The following TJP1 variants were observed in gnomAD, a reference collection of about 807,000 sequenced individuals.
TJP1 encodes the protein tight junction protein ZO-1.
A neutral mutation model predicts 194.2 loss-of-function variants in TJP1; 43 were observed. The observed-to-expected ratio is 0.22, with a 90% CI of 0.17 to 0.29. The LOEUF is 0.29. Ranked by LOEUF, TJP1 falls within the 10% of genes least tolerant of loss-of-function variation. TJP1 has a pLI of 1.00. For missense variants in TJP1, 1,971 were observed against 2,185.7 expected (o/e 0.90, Z 1.96); for synonymous variants, 801 against 779.0 (o/e 1.03, Z -0.47).
intron 2 of TJP1, among the ~76,000 whole-genome samples, chr15:29,866,534 T>C (rs986462603): frequency 5.9e-5 from 9 of 152,222 alleles, no homozygotes; most frequent in Non-Finnish European, 8.8e-5. Flanking sequence ...TTTTATTATG[T>C]GAACTCCCCA....
chr15:29,822,605 C>T, upstream of TJP1: 1 of 518,780 alleles, frequency 1.9e-6, no homozygotes, highest in Non-Finnish European at 2.5e-6. Flanking sequence ...GGGTCCCGAC[C>T]CCAAGCGCGG....
chr15:29,948,655 C>T (rs1343575154), intron 2 of TJP1, among the ~76,000 whole-genome samples: 2 of 152,116 alleles, frequency 1.3e-5, no homozygotes, highest in African/African-American at 4.8e-5. Context: ...ACCGAGGAAG[C>T]CTACGCAGAG....
In TJP1 at chr15:29,710,934, C is replaced by G. The variant is rs746453729; in HGVS notation, c.4269G>C (p.Gln1423His). The change falls in exon 24 of 28, where the codon CAG becomes CAC. Residue 1423 changes from glutamine (Q) to histidine (H), a missense_variant. Gln to His is a conservative substitution (Grantham distance 24, BLOSUM62 0). Transcript: ENST00000614355. ...GCAATGGAGGAGGAGGGGGAGTGGC[C>G]TGGATGGGTTCATAGCGTTTCTCGC... Reference protein sequence around the residue: ...SFGEKRYEPIQATPPPPPLPS... With the variant: ...SFGEKRYEPIHATPPPPPLPS... 2.5e-6 allele frequency: 4 copies of G among 1,614,154 alleles called. No individual in the cohort carries two copies. The highest frequency in any genetic ancestry group is 3.4e-6 in the Non-Finnish European group (4 of 1,180,030).
chr15:29,808,145 G>A (rs575240272), intron 1 of TJP1, among the ~76,000 whole-genome samples: 2 of 152,318 alleles, frequency 1.3e-5, no homozygotes, highest in Non-Finnish European at 2.9e-5. Flanking sequence ...GCACATGCCT[G>A]TAATCCCAGC....
At chr15:29,771,160 C>T (rs2046645562) in intron 4 of TJP1, among the ~76,000 whole-genome samples, 2 of 152,144 alleles carry the variant, frequency 1.3e-5, no homozygotes, top group African/African-American at 2.4e-5. Context: ...AGAACAGTAA[C>T]ATAATATATC....
rs749109567 is a variant in TJP1 at position 29,761,776 on chromosome 15, C to A, written c.694-7G>T. ...CTGTCACAGTACCATTTATCTGCAA[C>A]AGAAAATAAATTACAGCTTGAAAGT... On this transcript the variant is annotated splice_polypyrimidine_tract_variant and splice_region_variant and intron_variant, in intron 6 of 27. Coordinates refer to ENST00000614355, the MANE Select transcript of TJP1 (RefSeq NM_001330239.4). 1.3e-6 allele frequency: 2 copies of A among 1,523,018 alleles called. No homozygotes were observed. Among genetic ancestry groups the A allele is most frequent in the Admixed American group, 3.7e-5 (2 of 54,106 alleles). The allele number at this position is 1,523,018 out of a possible 1,614,324, so 94.3% of individuals were successfully genotyped here.
intron 2 of TJP1, among the ~76,000 whole-genome samples, chr15:29,789,956 C>T (rs1040281943): frequency 2.6e-5 from 4 of 151,880 alleles, no homozygotes; most frequent in African/African-American, 9.7e-5. Context: ...GGGATCCCAG[C>T]CCAGACAAAC....
At chr15:29,719,279 T>G in intron 20 of TJP1, 141 bp from the exon 21 acceptor site, 2 of 1,094,954 alleles carry the variant, frequency 1.8e-6, no homozygotes, top group East Asian at 2.7e-5. Context: ...TAGACAAGAT[T>G]AGTGGAAAAA....
At chr15:29,757,555 G>T (rs10519665) in intron 8 of TJP1, among the ~76,000 whole-genome samples, 6,704 of 152,180 alleles carry the variant, frequency 0.044, 169 homozygotes, top group South Asian at 0.07. Flanking sequence ...AAACTCCACA[G>T]TTACAGGATT....
At chr15:29,866,785 A>G (rs1209870182) in intron 2 of TJP1, among the ~76,000 whole-genome samples, 1 of 152,250 alleles carries the variant, frequency 6.6e-6, no homozygotes, top group Non-Finnish European at 1.5e-5. Flanking sequence ...ATAAAAAATA[A>G]CGAGGCCGTC....
intron 2 of TJP1, among the ~76,000 whole-genome samples, chr15:29,904,922 C>T (rs1017696172): frequency 6.6e-6 from 1 of 152,166 alleles, no homozygotes; most frequent in African/African-American, 2.4e-5. Context: ...AGCTACAAGC[C>T]AAGAAACACC....
intron 2 of TJP1, among the ~76,000 whole-genome samples, chr15:29,774,430 G>A (rs778169378): frequency 9.2e-5 from 14 of 152,012 alleles, no homozygotes; most frequent in Non-Finnish European, 1.9e-4. Flanking sequence ...GTGTAAAAAG[G>A]AATGAAGTAC....
intron 23 of TJP1, 133 bp from the exon 24 acceptor site, chr15:29,711,133 G>A (rs2042219799): frequency 5.1e-6 from 5 of 977,520 alleles, no homozygotes; most frequent in Non-Finnish European, 7.2e-6. Context: ...ATGAGTATGG[G>A]TAGCTACTCT....
At chr15:29,950,157 CCACCACCACAACCA>C (rs1254971006) in intron 2 of TJP1, among the ~76,000 whole-genome samples, 5 of 119,746 alleles carry the variant, frequency 4.2e-5, no homozygotes, top group Non-Finnish European at 3.4e-5. Context: ...ACCACCTCCA[CCACCACCACAACCA>C]CTACCTCCAC....
intron 1 of TJP1, among the ~76,000 whole-genome samples, chr15:29,816,875 A>T (rs1282260170): frequency 1.3e-5 from 2 of 152,370 alleles, no homozygotes; most frequent in African/African-American, 2.4e-5. Context: ...AAACCTAGGC[A>T]ATACCATTCA....
At chr15:29,936,230 C>A (rs1289108925) in intron 2 of TJP1, among the ~76,000 whole-genome samples, 2 of 152,052 alleles carry the variant, frequency 1.3e-5, no homozygotes, top group African/African-American at 4.8e-5. Context: ...CCACAGCCAT[C>A]TAAAGATACT....
At position 29,822,029 on chromosome 15, in the gene TJP1, C is replaced by T. The variant is rs1412135038; in HGVS notation, c.-1G>A. 7.4e-7 allele frequency: 1 copy of T among 1,354,040 alleles called. No individual in the cohort carries two copies. The highest frequency in any genetic ancestry group is 9.5e-7 in the Non-Finnish European group (1 of 1,049,660). The allele number at this position is 1,354,040 out of a possible 1,614,324, so 83.9% of individuals were successfully genotyped here. ...TGGCGGCCGCAGCTCTGGCGGACAT[C>T]TTGTCTCTCTCCAGCGCCGCGCGAG... On this transcript the variant is annotated 5_prime_UTR_variant, in exon 1 of 28. Transcript: ENST00000614355.
At chr15:29,852,167 T>C (rs1212567278) in intron 2 of TJP1, among the ~76,000 whole-genome samples, 2 of 152,322 alleles carry the variant, frequency 1.3e-5, no homozygotes, top group Non-Finnish European at 1.5e-5. Context: ...GCTAAAGAGC[T>C]GTGATGAGGA....
At chr15:29,757,374 A>G (rs2045709132) in intron 8 of TJP1, among the ~76,000 whole-genome samples, 2 of 152,320 alleles carry the variant, frequency 1.3e-5, no homozygotes, top group South Asian at 4.1e-4. Context: ...TCACTTCTTT[A>G]AAGATAATTT....
Sources: gnomAD v4.1 joint callset for allele counts (sites outside exome capture counted in the v4.1 genomes callset) on GRCh38, gnomAD v4.1.1 for gene constraint, MANE v1.5 for transcripts, NCBI Gene and HGNC (gene_info 2026-07-23, HGNC 2026-07-21) for gene names.